The following SLC4A11 variants were observed in gnomAD, a reference collection of about 807,000 sequenced individuals.
The protein encoded by SLC4A11 is bicarbonate transporter related protein 1.
SLC4A11 carries 74 observed loss-of-function variants against 95.0 expected under a neutral mutation model. That is an observed-to-expected ratio of 0.78 (90% CI 0.65 to 0.95). The LOEUF (loss-of-function observed/expected upper bound fraction) is 0.95. SLC4A11 is among the 40% of genes least tolerant of loss of function. SLC4A11 has a pLI of 0.00. For missense variants in SLC4A11, 1,081 were observed against 1,192.4 expected (o/e 0.91, Z 1.38); for synonymous variants, 548 against 519.0 (o/e 1.06, Z -0.76).
At position 3,234,013 on chromosome 20, in the gene SLC4A11, AGT is replaced by A; in HGVS notation, c.524-13_524-12del. On this transcript the variant is annotated splice_polypyrimidine_tract_variant and intron_variant, in intron 5 of 19. Transcript: ENST00000642402. The surrounding 1 kb of genome is among the most constrained non-coding windows in gnomAD (Gnocchi z 5.8). ...CTGACAGCAGGTGGACTGAGGAAAGAGTGAGGGGGAGGGTGGTGGGTCAACAG... is the reference window on the plus strand; with the variant it reads ...CTGACAGCAGGTGGACTGAGGAAAGAGAGGGGGAGGGTGGTGGGTCAACAG... The A allele has an allele frequency of 1.9e-6, 3 of 1,612,702 alleles. No individual in the cohort carries two copies. The highest frequency in any genetic ancestry group is 2.5e-6 in the Non-Finnish European group (3 of 1,179,352).
In SLC4A11 at chr20:3,234,420, A is replaced by G; in HGVS notation, c.292-106T>C. 6.7e-7 allele frequency: 1 copy of G among 1,499,326 alleles called. No homozygotes were observed. 92.9% of individuals were successfully genotyped at this position (1,499,326 alleles called of 1,614,324 possible). On this transcript the variant is annotated intron_variant, in intron 4 of 19. Coordinates refer to ENST00000642402, the MANE Select transcript of SLC4A11 (RefSeq NM_001174089.2). The surrounding 1 kb of genome is among the most constrained non-coding windows in gnomAD (Gnocchi z 5.8). ...CGCAGCAGTCCAGCCCCCAGCCCCC[A>G]GCCCCCAGCCCTGGGCTGGTGCGAG...
rs768382400 is a variant in SLC4A11 at position 3,237,942 on chromosome 20, G to T, written c.44-354C>A. On this transcript the variant is annotated intron_variant, in intron 1 of 19. Transcript: ENST00000642402. Reference sequence around the variant, plus strand: ...TGAGAAAACCCTGCCCCGCTGCAGCGAGAGGAAGGGACCGGGCCCGAGCGG... The same window carrying T: ...TGAGAAAACCCTGCCCCGCTGCAGCTAGAGGAAGGGACCGGGCCCGAGCGG... The T allele has an allele frequency of 1.9e-6, 3 of 1,550,478 alleles. No homozygotes were observed. The South Asian group carries it at 3.6e-5, about 18-fold the overall frequency.
rs372883065 is a variant in SLC4A11 at position 3,230,987 on chromosome 20, G to T, written c.1114C>A (p.Leu372Met). 3 of 1,613,830 alleles carry T rather than the reference G, an allele frequency of 1.9e-6. No homozygotes were observed. The African/African-American group carries it at 4.0e-5, about 22-fold the overall frequency. The change falls in exon 10 of 20, where the codon CTG becomes ATG. Residue 372 changes from leucine to methionine, a missense_variant. Physicochemically the swap from Leu to Met is conservative, Grantham distance 15. Transcript: ENST00000642402. ...TTLFLYFACL[L>M]PTIAFGSLND... The stretch of plus-strand genomic sequence containing the variant: ...AGAGACCCGAAAGCGATGGTGGGCA[G>T]GAGGCAGGCGAAGTAGAGGAACAGG...
At position 3,237,892 on chromosome 20, in the gene SLC4A11, C is replaced by G. The variant is rs1333452573; in HGVS notation, c.44-304G>C. 1.9e-5 allele frequency: 29 copies of G among 1,550,744 alleles called. No individual in the cohort carries two copies. In the Admixed American group the frequency reaches 5.7e-4, roughly 30 times the overall value. ...TCTTCCCACCGAGTTAGTACCAGTA[C>G]CATGTTCGCTAATCCAGGTTTTCCT... On this transcript the variant is annotated intron_variant, in intron 1 of 19. Coordinates refer to ENST00000642402, the MANE Select transcript of SLC4A11 (RefSeq NM_001174089.2).
chr20:3,234,596 C>G lies in SLC4A11; in HGVS notation c.263G>C (p.Gly88Ala). 1 of 1,613,874 alleles carries G rather than the reference C, an allele frequency of 6.2e-7. No individual in the cohort carries two copies. The highest frequency in any genetic ancestry group is 8.5e-7 in the Non-Finnish European group (1 of 1,180,004). Residue 88 changes from glycine to alanine, a missense_variant, in exon 4 of 20, where the codon GGC becomes GCC. Coordinates refer to ENST00000642402, the MANE Select transcript of SLC4A11 (RefSeq NM_001174089.2). This position sits in a 1 kb window ranked among gnomAD's most constrained non-coding sequence, Gnocchi z 5.8. ...TCGGGAGGTGTGCAGGAGCACACAG[C>G]CACCGGAAGTCGCTTCATTCTCTGC... ...TNTENEATSG[G>A]CVLLHTSRKY...
In SLC4A11 at chr20:3,229,405, A is replaced by G; in HGVS notation, c.1790T>C (p.Leu597Pro). ...CVREILSDCALPIAVLAFSLI... is the reference protein window; with the variant it reads ...CVREILSDCAPPIAVLAFSLI... ...GGAGAAGGCGAGCACCGCGATGGGC[A>G]GGGCGCAGTCGGACAGGATCTCTCG... The change falls in exon 15 of 20, where the codon CTG becomes CCG. Residue 597 changes from leucine (L) to proline (P), a missense_variant. Coordinates refer to ENST00000642402, the MANE Select transcript of SLC4A11 (RefSeq NM_001174089.2). The G allele has an allele frequency of 3.7e-6, 6 of 1,613,312 alleles. No individual in the cohort carries two copies. The highest frequency in any genetic ancestry group is 5.1e-6 in the Non-Finnish European group (6 of 1,180,022).
intron 2 of SLC4A11, among the ~76,000 whole-genome samples, chr20:3,235,545 T>C (rs1324305950): frequency 6.6e-6 from 1 of 152,018 alleles, no homozygotes; most frequent in East Asian, 1.9e-4. Context: ...CCCATCGTGC[T>C]CCTCTTCATG....
chr20:3,231,080 G>A lies in SLC4A11; in HGVS notation c.1043-22C>T, dbSNP rs368596605. 4.3e-6 allele frequency: 7 copies of A among 1,614,008 alleles called. No homozygotes were observed. The African/African-American group carries it at 8.0e-5, about 18-fold the overall frequency. On this transcript the variant is annotated intron_variant, in intron 9 of 19. Coordinates refer to ENST00000642402, the MANE Select transcript of SLC4A11 (RefSeq NM_001174089.2). This position sits in a 1 kb window ranked among gnomAD's most constrained non-coding sequence, Gnocchi z 5.2. ...ATGCCTAGGAATGGGGGATGGGAGAGAGGGTTTGCTGGGGATGCAGGACAG... is the reference window on the plus strand; with the variant it reads ...ATGCCTAGGAATGGGGGATGGGAGAAAGGGTTTGCTGGGGATGCAGGACAG...
chr20:3,239,371 G>A (rs2068085909), upstream of SLC4A11: 1 of 1,122,546 alleles, frequency 8.9e-7, no homozygotes, highest in East Asian at 4.9e-5. Flanking sequence ...CTCCAGCCGG[G>A]CTGGGCTGCT....
At position 3,229,157 on chromosome 20, in the gene SLC4A11, C is replaced by T; in HGVS notation, c.1956G>A (p.Leu652=). 1 of 1,608,730 alleles carries T rather than the reference C, an allele frequency of 6.2e-7. No homozygotes were observed. The highest frequency in any genetic ancestry group is 8.5e-7 in the Non-Finnish European group (1 of 1,179,344). ...VSGAMGLGFL[L]SMLFFIEQNL... The stretch of plus-strand genomic sequence containing the variant: ...TCTGCTCGATGAAGAAGAGCATGGA[C>T]AGCAGGAAGCCGAGGCCCATGGCAC... The change falls in exon 16 of 20, where the codon CTG becomes CTA. Residue 652 remains leucine (L), a synonymous_variant. Transcript: ENST00000642402.
Position 3,234,151 on chromosome 20 carries a change from G to A in SLC4A11, c.455C>T (p.Pro152Leu). 1.2e-6 allele frequency: 2 copies of A among 1,614,122 alleles called. No homozygotes were observed. The highest frequency in any genetic ancestry group is 1.7e-6 in the Non-Finnish European group (2 of 1,180,010). ...CATGAGCAGGTCCAGGTTGCAGTTGGGCTCATTGTTGTCAGGGTCCCTGGC... is the reference window on the plus strand; with the variant it reads ...CATGAGCAGGTCCAGGTTGCAGTTGAGCTCATTGTTGTCAGGGTCCCTGGC... The part of the protein sequence containing the change: ...RFARDPDNNE[P>L]NCNLDLLMAM... The change falls in exon 5 of 20, where the codon CCC (proline) becomes CTC (leucine). Residue 152 changes from proline to leucine, a missense_variant. Coordinates refer to ENST00000642402, the MANE Select transcript of SLC4A11 (RefSeq NM_001174089.2). This position sits in a 1 kb window ranked among gnomAD's most constrained non-coding sequence, Gnocchi z 5.8.
chr20:3,232,277 C>T (rs1005547794), intron 7 of SLC4A11, among the ~76,000 whole-genome samples: 23 of 152,246 alleles, frequency 1.5e-4, no homozygotes, highest in African/African-American at 4.6e-4. Flanking sequence ...GAAGCCCGTC[C>T]GTGAACCATG....
intron 1 of SLC4A11, chr20:3,238,880 T>A: frequency 8.0e-7 from 1 of 1,249,288 alleles, no homozygotes; most frequent in Non-Finnish European, 1.0e-6. Context: ...AGCAGAGCCC[T>A]AATGAAACCA....
chr20:3,231,089 C>T lies in SLC4A11; in HGVS notation c.1043-31G>A. 1.2e-6 allele frequency: 2 copies of T among 1,614,036 alleles called. No homozygotes were observed. The highest frequency in any genetic ancestry group is 1.7e-5 in the Admixed American group (1 of 60,028). On this transcript the variant is annotated intron_variant, in intron 9 of 19. Transcript: ENST00000642402. The surrounding 1 kb of genome is among the most constrained non-coding windows in gnomAD (Gnocchi z 5.2). Reference sequence around the variant, plus strand: ...AATGGGGGATGGGAGAGAGGGTTTGCTGGGGATGCAGGACAGGCACACGTG... The same window carrying T: ...AATGGGGGATGGGAGAGAGGGTTTGTTGGGGATGCAGGACAGGCACACGTG...
rs540272513 is a variant in SLC4A11 at position 3,238,200 on chromosome 20, G to C, written c.44-612C>G. On this transcript the variant is annotated intron_variant, in intron 1 of 19. Coordinates refer to ENST00000642402, the MANE Select transcript of SLC4A11 (RefSeq NM_001174089.2). ...GTTGGTCCAAAAGGGAGAACAATTGGGGGTGGGAGGAGTATCTGAGGGACA... is the reference window on the plus strand; with the variant it reads ...GTTGGTCCAAAAGGGAGAACAATTGCGGGTGGGAGGAGTATCTGAGGGACA... 157 of 1,422,106 alleles carry C rather than the reference G, an allele frequency of 1.1e-4. No homozygotes were observed. In the African/African-American group the frequency reaches 2.1e-3, roughly 19 times the overall value. 88.1% of individuals were successfully genotyped at this position (1,422,106 alleles called of 1,614,324 possible). A position where few individuals can be genotyped will look rare whatever the true frequency, so the allele number is the denominator to read the frequency against.
chr20:3,235,015 G>T, intron 2 of SLC4A11, 121 bp from the exon 3 acceptor site: 1 of 1,263,716 alleles, frequency 7.9e-7, no homozygotes, highest in Non-Finnish European at 1.1e-6. Flanking sequence ...TGGTGGGAGA[G>T]GCCATCCCAT....
chr20:3,230,900 A>ACCCCCCCC, intron 10 of SLC4A11, 33 bp downstream of exon 10: 2 of 1,610,736 alleles, frequency 1.2e-6, no homozygotes, highest in Non-Finnish European at 1.7e-6. Flanking sequence ...AGCCCAGCAT[A>ACCCCCCCC]CCCCCACCCA....
intron 12 of SLC4A11, 104 bp downstream of exon 12, chr20:3,230,411 G>T: frequency 6.3e-7 from 1 of 1,590,724 alleles, no homozygotes; most frequent in South Asian, 1.1e-5. Flanking sequence ...CAGCCCCTTG[G>T]GGCAGCAATA....
rs1202638645 is a variant in SLC4A11, at chr20:3,231,810, G to A, written c.730-262C>T. 1.3e-5 allele frequency among the ~76,000 whole-genome samples: 2 copies of A among 152,026 alleles called. No individual in the cohort carries two copies. Among genetic ancestry groups the A allele is most frequent in the African/African-American group, 2.4e-5 (1 of 41,384 alleles). On this transcript the variant is annotated intron_variant, in intron 7 of 19. Transcript: ENST00000642402. The surrounding 1 kb of genome is among the most constrained non-coding windows in gnomAD (Gnocchi z 5.2). ...TGGGACCACAGGCACGCACCACCAT[G>A]CCAGGCAATTTTTAATTTTTAACTT...
Sources: gnomAD v4.1 joint callset for allele counts (sites outside exome capture counted in the v4.1 genomes callset) on GRCh38, gnomAD v4.1.1 for gene constraint, Gnocchi (gnomAD v3.1) non-coding constraint, MANE v1.5 for transcripts, NCBI Gene and HGNC (gene_info 2026-07-23, HGNC 2026-07-21) for gene names.